PPP2R3B: variants seen among roughly 807,000 people sequenced by gnomAD.
The protein encoded by PPP2R3B is protein phosphatase 2 regulatory subunit B''beta, also known as serine/threonine-protein phosphatase 2A regulatory subunit B'' subunit beta.
Under a neutral mutation model 72.9 loss-of-function variants are expected in PPP2R3B, and 68 were observed. The ratio of observed to expected loss-of-function variants is 0.93; its 90% CI spans 0.77 to 1.14. The LOEUF (loss-of-function observed/expected upper bound fraction) is 1.14, where lower values mean the gene tolerates loss of function less well. Among genes scored for constraint, PPP2R3B ranks in the 50% most tolerant of loss-of-function variants. PPP2R3B has a pLI of 0.00. For missense variants in PPP2R3B, 1,018 were observed against 842.0 expected (o/e 1.21, Z -2.59); for synonymous variants, 466 against 375.8 (o/e 1.24, Z -2.78).
At chrX:335,511 TGGGGGAGCA>T (rs1255688889) in intron 12 of PPP2R3B, 3 of 152,130 alleles carry the variant, frequency 2.0e-5, no homozygotes, top group Middle Eastern at 3.4e-3. Context: ...GGGCGGCTGA[TGGGGGAGCA>T]GGGGTTAAAA....
At chrX:366,849 T>C (rs1320147115) in intron 1 of PPP2R3B, among the ~76,000 whole-genome samples, 2 of 140,178 alleles carry the variant, frequency 1.4e-5, no homozygotes, top group Admixed American at 7.1e-5. Context: ...GGCGACAGAG[T>C]GAGACTCTGT....
Position 334,482 on chromosome X carries a change from A to G in PPP2R3B, c.1613T>C (p.Leu538Pro). 2 of 1,586,284 alleles carry G rather than the reference A, an allele frequency of 1.3e-6. No individual in the cohort carries two copies. Among genetic ancestry groups the G allele is most frequent in the East Asian group, 2.3e-5 (1 of 44,050 alleles). Residue 538 changes from leucine (L) to proline (P), a missense_variant, in exon 13 of 13, where the codon CTG becomes CCG. Transcript: ENST00000390665. ...EAELSPVEQK[L>P]SALRSPLAQR... is the part of the protein sequence containing the mutation. ...GGCCAGCGGGGAGCGCAGCGCACTC[A>G]GCTTCTGCTCCACAGGGCTGAGCTC... is the stretch of plus-strand genomic sequence containing the variant.
intron 1 of PPP2R3B, among the ~76,000 whole-genome samples, chrX:384,667 G>A (rs373258748): frequency 5.3e-5 from 8 of 151,960 alleles, no homozygotes; most frequent in East Asian, 3.9e-4. Context: ...TCCACCAGCC[G>A]TAACTACAGC....
In PPP2R3B at chrX:339,379, G is replaced by A. The variant is rs369836322; in HGVS notation, c.1352-483C>T. ...CAGAAGGAAGCCAGGCGGCGTGGAC[G>A]GTGGGGCTCCCCTTTGCCTTAGAGG... On this transcript the variant is annotated intron_variant, in intron 10 of 12. Transcript: ENST00000390665. 1.8e-4 allele frequency among the ~76,000 whole-genome samples: 19 copies of A among 103,018 alleles called. No individual in the cohort carries two copies. The South Asian group carries it at 1.9e-3, about 10-fold the overall frequency. The allele number at this position is 103,018 out of a possible 152,430, so 67.6% of individuals were successfully genotyped here.
chrX:385,641 A>G lies in PPP2R3B; in HGVS notation c.324+727T>C, dbSNP rs28671362. ...TCTGCAAAAATAAATAAATAAATAA[A>G]TAAACAAAAATTAGCCTGGCGTGAT... is the stretch of plus-strand genomic sequence containing the variant. On this transcript the variant is annotated intron_variant, in intron 1 of 12. Coordinates refer to ENST00000390665, the MANE Select transcript of PPP2R3B (RefSeq NM_013239.5). Among the ~76,000 whole-genome samples the G allele has an allele frequency of 5.3e-5, 8 of 152,208 alleles. No homozygotes were observed. The East Asian group carries it at 1.5e-3, about 29-fold the overall frequency.
chrX:356,787 T>C (rs58504220), intron 2 of PPP2R3B, among the ~76,000 whole-genome samples: 1 of 119,298 alleles, frequency 8.4e-6, no homozygotes, highest in African/African-American at 3.8e-5. Context: ...GGACACATAG[T>C]GAGCCCCACA....
chrX:341,020 C>G, intron 9 of PPP2R3B, 80 bp from the exon 10 acceptor site: 1 of 1,532,864 alleles, frequency 6.5e-7, no homozygotes, highest in Non-Finnish European at 8.8e-7. Context: ...CAGCCCCCAC[C>G]GGGGGTGCAC....
chrX:333,972 G>C lies in PPP2R3B; in HGVS notation c.*395C>G, dbSNP rs1177907172. 1.7e-5 allele frequency: 3 copies of C among 180,090 alleles called. No homozygotes were observed. The Admixed American group carries it at 1.9e-4, about 11-fold the overall frequency. The allele number at this position is 180,090 out of a possible 1,614,324, so 11.2% of individuals were successfully genotyped here. A position where few individuals can be genotyped will look rare whatever the true frequency, so the allele number is the denominator to read the frequency against. ...AAGCGTGATCGCCAGAAACGGTTTT[G>C]TACGTTTACACAAAACATTCACACA... On this transcript the variant is annotated 3_prime_UTR_variant, in exon 13 of 13. Transcript: ENST00000390665.
chrX:383,996 G>A (rs2072186830), intron 1 of PPP2R3B, among the ~76,000 whole-genome samples: 1 of 151,752 alleles, frequency 6.6e-6, no homozygotes, highest in African/African-American at 2.4e-5. Context: ...AATCAACATC[G>A]TAAGACTGAC....
At chrX:359,555 AATG>A (rs2124178355) in intron 2 of PPP2R3B, among the ~76,000 whole-genome samples, 1 of 152,326 alleles carries the variant, frequency 6.6e-6, no homozygotes, top group South Asian at 2.1e-4. Flanking sequence ...TTTCAACAAA[AATG>A]ATTATAGAAT....
chrX:378,440 C>T (rs988170743), intron 1 of PPP2R3B, among the ~76,000 whole-genome samples: 1 of 152,204 alleles, frequency 6.6e-6, no homozygotes, highest in Non-Finnish European at 1.5e-5. Flanking sequence ...GAAAGGCTTA[C>T]GAAGGCGACC....
chrX:334,398 GCGTA>G lies in PPP2R3B; in HGVS notation c.1693_1696del (p.Tyr565HisfsTer47). On this transcript the variant is annotated frameshift_variant, in exon 13 of 13. Transcript: ENST00000390665. LOFTEE classifies it high-confidence loss of function. ...CGGCTCCAGGTCCTCGTCCCCGCAT[GCGTA>G]CTCGTACAGGTCCACGGCGCCCAGC... is the stretch of plus-strand genomic sequence containing the variant. The G allele has an allele frequency of 6.4e-7, 1 of 1,561,232 alleles. No homozygotes were observed. Among genetic ancestry groups the G allele is most frequent in the South Asian group, 1.2e-5 (1 of 85,728 alleles).
intron 1 of PPP2R3B, among the ~76,000 whole-genome samples, chrX:385,975 G>C (rs185679194): frequency 6.6e-6 from 1 of 152,092 alleles, no homozygotes; most frequent in Non-Finnish European, 1.5e-5. Context: ...CCAGCTCCTC[G>C]GGAGCCTGAG....
In PPP2R3B at chrX:338,972, C is replaced by A. The variant is rs1247283531; in HGVS notation, c.1352-76G>T. 2.1e-5 allele frequency: 25 copies of A among 1,219,198 alleles called. No homozygotes were observed. The South Asian group carries it at 3.0e-4, about 15-fold the overall frequency. The allele number at this position is 1,219,198 out of a possible 1,614,324, so 75.5% of individuals were successfully genotyped here. On this transcript the variant is annotated intron_variant, in intron 10 of 12. Coordinates refer to ENST00000390665, the MANE Select transcript of PPP2R3B (RefSeq NM_013239.5). ...GGGCCTGGGTGTGGGGTGCGCGCGT[C>A]CTGTCACACGTGCTTAAGGACGCGG... is the stretch of plus-strand genomic sequence containing the variant.
At chrX:380,351 G>A (rs746856108) in intron 1 of PPP2R3B, among the ~76,000 whole-genome samples, 3 of 152,256 alleles carry the variant, frequency 2.0e-5, no homozygotes, top group South Asian at 2.1e-4. Context: ...AAGAGCTCTC[G>A]CAACTCAGTG....
At chrX:371,180 A>C (rs982323942) in intron 1 of PPP2R3B, among the ~76,000 whole-genome samples, 3 of 152,092 alleles carry the variant, frequency 2.0e-5, no homozygotes, top group African/African-American at 4.8e-5. Flanking sequence ...AGCTCAGCCA[A>C]GCAGCTGCAC....
chrX:334,496 A>T lies in PPP2R3B; in HGVS notation c.1599T>A (p.Pro533=), dbSNP rs1133523. ...WEDGFEAELS[P]VEQKLSALRS... ...GCAGCGCACTCAGCTTCTGCTCCAC[A>T]GGGCTGAGCTCGGCCTCGAACCTGC... Residue 533 remains proline, a synonymous_variant, in exon 13 of 13, where the codon CCT becomes CCA. Transcript: ENST00000390665. 4 of 1,572,926 alleles carry T rather than the reference A, an allele frequency of 2.5e-6. No individual in the cohort carries two copies. In the Admixed American group the frequency reaches 5.5e-5, roughly 22 times the overall value.
intron 4 of PPP2R3B, 121 bp downstream of exon 4, chrX:347,113 C>A (rs1450373296): frequency 1.6e-6 from 2 of 1,220,430 alleles, no homozygotes. Flanking sequence ...GGTGTAGACG[C>A]GGACCCTCCC....
rs372041816 is a variant in PPP2R3B at position 334,541 on chromosome X, C to T, written c.1578-24G>A. On this transcript the variant is annotated intron_variant, in intron 12 of 12. Coordinates refer to ENST00000390665, the MANE Select transcript of PPP2R3B (RefSeq NM_013239.5). Reference sequence around the variant, plus strand: ...ACCTGCAACGAGGGGATGGCGAAGACGTGGCCAGCAGCGCGGAGCAGGCCC... The same window carrying T: ...ACCTGCAACGAGGGGATGGCGAAGATGTGGCCAGCAGCGCGGAGCAGGCCC... 7.2e-5 allele frequency: 109 copies of T among 1,516,366 alleles called. 1 individual carries two copies. The highest frequency in any genetic ancestry group is 9.6e-5 in the East Asian group (4 of 41,744). The allele number at this position is 1,516,366 out of a possible 1,614,324, so 93.9% of individuals were successfully genotyped here. A position where few individuals can be genotyped will look rare whatever the true frequency, so the allele number is the denominator to read the frequency against.
Sources: gnomAD v4.1 joint callset for allele counts (sites outside exome capture counted in the v4.1 genomes callset) on GRCh38, gnomAD v4.1.1 for gene constraint, MANE v1.5 for transcripts, NCBI Gene and HGNC (gene_info 2026-07-23, HGNC 2026-07-21) for gene names.